YTHDC2: variants seen among roughly 807,000 people sequenced by gnomAD.
YTHDC2 encodes the protein 3'-5' RNA helicase YTHDC2.
In YTHDC2, 45 loss-of-function variants were observed where a neutral mutation model predicts 174.9. That is an observed-to-expected ratio of 0.26 (90% CI 0.20 to 0.33). The LOEUF (loss-of-function observed/expected upper bound fraction) is 0.33. YTHDC2 is among the 10% of genes least tolerant of loss of function. The probability of loss-of-function intolerance (pLI) is 1.00; values close to 1 mark genes in which losing one functional copy is unlikely to be tolerated. For synonymous variants in YTHDC2, 657 were observed against 574.5 expected, an observed-to-expected ratio of 1.14 and a Z score of -2.05; for missense variants, 1,650 against 1,723.7, an observed-to-expected ratio of 0.96 and a Z score of 0.76.
chr5:113,534,294 T>C lies in YTHDC2; in HGVS notation c.843-11T>C. 2 of 1,607,452 alleles carry C rather than the reference T, an allele frequency of 1.2e-6. No homozygotes were observed. Among genetic ancestry groups the C allele is most frequent in the Non-Finnish European group, 1.7e-6 (2 of 1,175,644 alleles). On this transcript the variant is annotated splice_polypyrimidine_tract_variant and intron_variant, in intron 5 of 29. Coordinates refer to ENST00000161863, the MANE Select transcript of YTHDC2 (RefSeq NM_022828.5). ...GCAATTGTGCACTTTGTTTTGCTTTTTTTTTAAAAGGGTTTCTCCAAAGAC... is the reference window on the plus strand; with the variant it reads ...GCAATTGTGCACTTTGTTTTGCTTTCTTTTTAAAAGGGTTTCTCCAAAGAC...
Position 113,554,055 on chromosome 5 carries a change from T to C in YTHDC2, c.2133+33T>C, listed in dbSNP as rs371815492. ...TGGGTAAGTTGTAGTTTTACTTAAA[T>C]GAAGAAGATTAAGTTCTACTTCAAC... On this transcript the variant is annotated intron_variant, in intron 16 of 29. Transcript: ENST00000161863. The C allele has an allele frequency of 1.2e-5, 17 of 1,449,668 alleles. No individual in the cohort carries two copies. In the African/African-American group the frequency reaches 2.2e-4, roughly 18 times the overall value. 89.8% of individuals were successfully genotyped at this position (1,449,668 alleles called of 1,614,324 possible). A position where few individuals can be genotyped will look rare whatever the true frequency, so the allele number is the denominator to read the frequency against.
chr5:113,565,732 A>C (rs1449852039), intron 20 of YTHDC2, 161 bp from the exon 21 acceptor site: 2 of 664,488 alleles, frequency 3.0e-6, no homozygotes, highest in Non-Finnish European at 4.4e-6. Context: ...GTATAAATTA[A>C]TGATAAATAT....
chr5:113,547,546 T>C (rs991182997), intron 10 of YTHDC2, among the ~76,000 whole-genome samples: 3 of 152,162 alleles, frequency 2.0e-5, no homozygotes, highest in African/African-American at 4.8e-5. Flanking sequence ...AATGTTCCAC[T>C]CTGGTGGGGG....
At chr5:113,540,826 C>T (rs1580528142) in intron 8 of YTHDC2, 142 bp from the exon 9 acceptor site, 2 of 695,334 alleles carry the variant, frequency 2.9e-6, no homozygotes, top group African/African-American at 3.6e-5. Context: ...ATTGAATATT[C>T]TTAATATATT....
At chr5:113,552,026 A>AT (rs552668890) in intron 12 of YTHDC2, among the ~76,000 whole-genome samples, 154 of 152,266 alleles carry the variant, frequency 1.0e-3, no homozygotes, top group African/African-American at 3.6e-3. Context: ...GAATTTTCTA[A>AT]TTAACAGTCA....
At chr5:113,590,622 C>T (rs1180332554) in intron 26 of YTHDC2, among the ~76,000 whole-genome samples, 2 of 152,210 alleles carry the variant, frequency 1.3e-5, no homozygotes, top group Admixed American at 6.5e-5. Flanking sequence ...GTAGCCACTT[C>T]GGTCTCTGAA....
intron 23 of YTHDC2, among the ~76,000 whole-genome samples, chr5:113,572,051 T>C (rs7722918): frequency 0.3 from 45,533 of 152,026 alleles, 8,822 homozygotes; most frequent in African/African-American, 0.53. Context: ...ATTTTTTAAA[T>C]TGAGATGTTA....
rs922377763 is a variant in YTHDC2, at chr5:113,535,778, G to C, written c.1082G>C (p.Gly361Ala). The C allele has an allele frequency of 6.8e-6, 11 of 1,610,176 alleles. No individual in the cohort carries two copies. The highest frequency in any genetic ancestry group is 1.7e-5 in the Admixed American group (1 of 59,492). Residue 361 changes from glycine (G) to alanine (A), a missense_variant, in exon 7 of 30, where the codon GGA becomes GCA. Around this residue, in one of 5 missense-constraint regions of YTHDC2, gnomAD observed 411 missense variants for 380.6 expected, o/e 1.08. Coordinates refer to ENST00000161863, the MANE Select transcript of YTHDC2 (RefSeq NM_022828.5). The part of the protein sequence containing the change: ...LDVNLFIRYF[G>A]SCPVIYIQGR... ...GTAAATCTCTTTATAAGATATTTTG[G>C]AAGTTGTCCAGTGATATATAGTAAG... is the stretch of plus-strand genomic sequence containing the variant.
chr5:113,529,474 C>T (rs1664321791), intron 4 of YTHDC2, among the ~76,000 whole-genome samples: 1 of 152,094 alleles, frequency 6.6e-6, no homozygotes, highest in Admixed American at 6.5e-5. Context: ...TTCCATCACT[C>T]TAAAAAAGAG....
At position 113,553,643 on chromosome 5, in the gene YTHDC2, C is replaced by G; in HGVS notation, c.1921C>G (p.Arg641Gly). 1 of 1,613,476 alleles carries G rather than the reference C, an allele frequency of 6.2e-7. No individual in the cohort carries two copies. Among genetic ancestry groups the G allele is most frequent in the Non-Finnish European group, 8.5e-7 (1 of 1,179,588 alleles). ...GYDEIVGLRD[R>G]ILFDDKRFAD... Reference sequence around the variant, plus strand: ...TGACGAAATTGTTGGACTGAGAGATCGCATCCTGTTTGATGACAAGCGGTT... The same window carrying G: ...TGACGAAATTGTTGGACTGAGAGATGGCATCCTGTTTGATGACAAGCGGTT... Residue 641 changes from arginine (R) to glycine (G), a missense_variant, in exon 14 of 30, where the codon CGC becomes GGC. Coordinates refer to ENST00000161863, the MANE Select transcript of YTHDC2 (RefSeq NM_022828.5).
chr5:113,526,679 G>A lies in YTHDC2; in HGVS notation c.569G>A (p.Arg190Lys). The A allele has an allele frequency of 6.2e-7, 1 of 1,605,232 alleles. No individual in the cohort carries two copies. The highest frequency in any genetic ancestry group is 8.5e-7 in the Non-Finnish European group (1 of 1,175,268). The change falls in exon 4 of 30, where the codon AGG (arginine) becomes AAG (lysine). Residue 190 changes from arginine to lysine, a missense_variant. Physicochemically the swap from Arg to Lys is conservative, Grantham distance 26. This residue lies in a region of YTHDC2 where 304 missense variants were observed against 341.4 expected (regional missense o/e 0.89). Coordinates refer to ENST00000161863, the MANE Select transcript of YTHDC2 (RefSeq NM_022828.5). ...KRGESEFDSF[R>K]QSLPVFEKQE... ...GGAGAATCCGAATTTGATTCTTTTA[G>A]GCAGTCTTTACCAGTGTTTGAGAAA...
At position 113,553,673 on chromosome 5, in the gene YTHDC2, G is replaced by T. The variant is rs75714066; in HGVS notation, c.1951G>T (p.Asp651Tyr). Reference protein sequence around the residue: ...RILFDDKRFADSTHRYQVFML... With the variant: ...RILFDDKRFAYSTHRYQVFML... ...CCTGTTTGATGACAAGCGGTTTGCT[G>T]ACAGTACACATAGGTAAGGGCTAAA... Residue 651 changes from aspartate (D) to tyrosine (Y), a missense_variant, in exon 14 of 30, where the codon GAC becomes TAC. Coordinates refer to ENST00000161863, the MANE Select transcript of YTHDC2 (RefSeq NM_022828.5). 4 of 1,613,446 alleles carry T rather than the reference G, an allele frequency of 2.5e-6. No homozygotes were observed. Among genetic ancestry groups the T allele is most frequent in the Non-Finnish European group, 3.4e-6 (4 of 1,179,560 alleles).
At chr5:113,559,340 A>T (rs551577116) in intron 17 of YTHDC2, among the ~76,000 whole-genome samples, 7 of 152,326 alleles carry the variant, frequency 4.6e-5, no homozygotes, top group African/African-American at 1.7e-4. Flanking sequence ...GGCACTAAGA[A>T]AGATAAGACA....
intron 26 of YTHDC2, among the ~76,000 whole-genome samples, chr5:113,586,253 T>TA (rs1561709784): frequency 6.6e-6 from 1 of 152,010 alleles, no homozygotes; most frequent in Non-Finnish European, 1.5e-5. Flanking sequence ...TTTTCCCAGT[T>TA]ACTAATGATG....
intron 17 of YTHDC2, among the ~76,000 whole-genome samples, chr5:113,558,878 C>T (rs941671946): frequency 1.4e-5 from 2 of 147,788 alleles, no homozygotes; most frequent in African/African-American, 2.5e-5. Context: ...GCCGAGACCA[C>T]GCCATTGCAC....
At chr5:113,575,554 A>G (rs1194883826) in intron 23 of YTHDC2, among the ~76,000 whole-genome samples, 2 of 152,208 alleles carry the variant, frequency 1.3e-5, no homozygotes, top group African/African-American at 2.4e-5. Context: ...AGGTAGAGAA[A>G]GAGGGAAAGC....
At position 113,548,984 on chromosome 5, in the gene YTHDC2, G is replaced by A; in HGVS notation, c.1652G>A (p.Gly551Glu). Residue 551 changes from glycine to glutamate, a missense_variant, in exon 12 of 30, where the codon GGG becomes GAG. Coordinates refer to ENST00000161863, the MANE Select transcript of YTHDC2 (RefSeq NM_022828.5). ...WMALDWAKHF[G>E]QTEIVDLLES... is the part of the protein sequence containing the mutation. The stretch of plus-strand genomic sequence containing the variant: ...GCATTGGATTGGGCTAAACACTTTG[G>A]GCAGACTGAAATTGTGGATCTTCTA... 6.2e-7 allele frequency: 1 copy of A among 1,612,960 alleles called. No individual in the cohort carries two copies. The highest frequency in any genetic ancestry group is 2.2e-5 in the East Asian group (1 of 44,788).
intron 23 of YTHDC2, among the ~76,000 whole-genome samples, chr5:113,568,697 C>T (rs1777518762): frequency 1.3e-5 from 2 of 152,174 alleles, no homozygotes; most frequent in African/African-American, 4.8e-5. Flanking sequence ...CTGCAAAGGA[C>T]ATGATCTAAT....
intron 9 of YTHDC2, among the ~76,000 whole-genome samples, chr5:113,541,776 A>G (rs1775489246): frequency 6.6e-6 from 1 of 152,000 alleles, no homozygotes; most frequent in Admixed American, 6.6e-5. Context: ...TATGCACGCT[A>G]AATATACTAT....
Sources: gnomAD v4.1 joint callset for allele counts (sites outside exome capture counted in the v4.1 genomes callset) on GRCh38, gnomAD v4.1.1 for gene constraint, gnomAD v4.1.1 regional missense constraint, MANE v1.5 for transcripts, NCBI Gene and HGNC (gene_info 2026-07-23, HGNC 2026-07-21) for gene names.